The following PEX5L variants were observed in gnomAD, a reference collection of about 807,000 sequenced individuals.
PEX5L encodes the protein PEX5-related protein.
A neutral mutation model predicts 84.0 loss-of-function variants in PEX5L; 30 were observed. The ratio of observed to expected loss-of-function variants is 0.36; its 90% CI spans 0.27 to 0.48. The LOEUF (loss-of-function observed/expected upper bound fraction) is 0.48, where lower values mean the gene tolerates loss of function less well. Among genes scored for constraint, PEX5L ranks in the 20% least tolerant of loss-of-function variants. PEX5L has a pLI of 0.99. For missense variants in PEX5L, 533 were observed against 754.6 expected (o/e 0.71, Z 3.44); for synonymous variants, 270 against 283.1 (o/e 0.95, Z 0.46).
At chr3:179,888,245 T>C in intron 3 of PEX5L, 1 of 983,264 alleles carries the variant, frequency 1.0e-6, no homozygotes, top group Non-Finnish European at 1.4e-6. Context: ...TGTGGGTGGA[T>C]AAATGCCTGC....
chr3:179,967,117 C>T (rs1026435993), intron 2 of PEX5L, among the ~76,000 whole-genome samples: 1 of 152,098 alleles, frequency 6.6e-6, no homozygotes. Flanking sequence ...ACGATAATTC[C>T]TAGTAGATGG....
intron 1 of PEX5L, among the ~76,000 whole-genome samples, chr3:180,020,664 A>T (rs150247028): frequency 1.3e-5 from 2 of 152,230 alleles, no homozygotes; most frequent in African/African-American, 2.4e-5. Context: ...GTTGGCTTAT[A>T]TTCTTTCTTT....
At chr3:180,000,536 G>C (rs1460844290) in intron 1 of PEX5L, among the ~76,000 whole-genome samples, 4 of 152,172 alleles carry the variant, frequency 2.6e-5, no homozygotes, top group Non-Finnish European at 5.9e-5. Context: ...GTGAATCAAA[G>C]GGAATACAGA....
intron 7 of PEX5L, 25 bp from the exon 8 acceptor site, chr3:179,859,182 T>C: frequency 6.7e-7 from 1 of 1,494,010 alleles, no homozygotes; most frequent in South Asian, 1.1e-5. Flanking sequence ...ACACATAGTG[T>C]TATAATATTA....
At chr3:179,956,145 A>T (rs997107852) in intron 2 of PEX5L, among the ~76,000 whole-genome samples, 2 of 152,150 alleles carry the variant, frequency 1.3e-5, no homozygotes, top group African/African-American at 4.8e-5. Context: ...CATTTTGCTG[A>T]TAGGGAAGTC....
At chr3:179,828,318 A>T (rs1468188542) in intron 8 of PEX5L, among the ~76,000 whole-genome samples, 1 of 152,158 alleles carries the variant, frequency 6.6e-6, no homozygotes, top group East Asian at 1.9e-4. Context: ...TCCTTAGCAG[A>T]TCTAGCCAAG....
At chr3:179,899,574 G>T (rs1457629863) in intron 2 of PEX5L, among the ~76,000 whole-genome samples, 31 of 152,134 alleles carry the variant, frequency 2.0e-4, no homozygotes, top group Admixed American at 2.0e-3. Context: ...TAAGTATTTA[G>T]AAGGTAGGTT....
In PEX5L at chr3:179,800,178, C is replaced by G. The variant is rs1162705175; in HGVS notation, c.*1650G>C. ...CTGTACCTCGCATTCAATTGATAAG[C>G]ACGTGTGCACATTTACTCCTCAGTA... On this transcript the variant is annotated 3_prime_UTR_variant, in exon 15 of 15. Transcript: ENST00000467460. 6.6e-6 allele frequency: 1 copy of G among 152,198 alleles called. No homozygotes were observed. Among genetic ancestry groups the G allele is most frequent in the Admixed American group, 6.5e-5 (1 of 15,282 alleles). 9.4% of individuals were successfully genotyped at this position (152,198 alleles called of 1,614,324 possible).
At chr3:179,814,531 A>G (rs1436103930) in intron 10 of PEX5L, among the ~76,000 whole-genome samples, 1 of 152,228 alleles carries the variant, frequency 6.6e-6, no homozygotes, top group Non-Finnish European at 1.5e-5. Context: ...CAGCACCAGT[A>G]TATATACCGG....
intron 2 of PEX5L, among the ~76,000 whole-genome samples, chr3:179,938,333 T>C (rs1056807540): frequency 6.6e-6 from 1 of 152,216 alleles, no homozygotes; most frequent in Non-Finnish European, 1.5e-5. Context: ...CATTACTAAC[T>C]TACATAGATG....
At chr3:179,986,181 T>TATATATATATATATATATAA in intron 1 of PEX5L, among the ~76,000 whole-genome samples, 1 of 149,948 alleles carries the variant, frequency 6.7e-6, no homozygotes, top group African/African-American at 2.4e-5. Flanking sequence ...TATATATATA[T>TATATATATATATATATATAA]AACTTTATGT....
chr3:179,965,594 C>T (rs138953883), intron 2 of PEX5L, among the ~76,000 whole-genome samples: 1 of 152,102 alleles, frequency 6.6e-6, no homozygotes, highest in African/African-American at 2.4e-5. Context: ...GGCTTTATAC[C>T]ACCAGACTTT....
At chr3:179,947,706 G>C in intron 2 of PEX5L, among the ~76,000 whole-genome samples, 1 of 99,642 alleles carries the variant, frequency 1.0e-5, no homozygotes, top group African/African-American at 4.4e-5. Context: ...AATCAAAAAA[G>C]TTACTTTTTT....
chr3:179,850,637 T>G (rs1741460562), intron 8 of PEX5L, among the ~76,000 whole-genome samples: 2 of 152,224 alleles, frequency 1.3e-5, no homozygotes, highest in Non-Finnish European at 2.9e-5. Flanking sequence ...ATTTGACTTG[T>G]GAAGGATGTT....
intron 1 of PEX5L, among the ~76,000 whole-genome samples, chr3:180,022,460 G>A (rs565716897): frequency 4.6e-5 from 7 of 152,128 alleles, no homozygotes; most frequent in East Asian, 1.9e-4. Context: ...AAATAGCAAC[G>A]GATTTTTCTC....
intron 8 of PEX5L, among the ~76,000 whole-genome samples, chr3:179,852,474 C>T (rs1046110008): frequency 1.3e-5 from 2 of 152,280 alleles, no homozygotes; most frequent in Non-Finnish European, 2.9e-5. Context: ...GAGAACTAAG[C>T]TCCCATATTT....
At chr3:179,945,340 A>G (rs1035164389) in intron 2 of PEX5L, among the ~76,000 whole-genome samples, 1 of 152,144 alleles carries the variant, frequency 6.6e-6, no homozygotes, top group Non-Finnish European at 1.5e-5. Flanking sequence ...CTGAGAGAGG[A>G]TATTTGGAAC....
intron 3 of PEX5L, among the ~76,000 whole-genome samples, chr3:179,891,767 A>T (rs1757696536): frequency 6.6e-6 from 1 of 152,164 alleles, no homozygotes; most frequent in Non-Finnish European, 1.5e-5. Flanking sequence ...ATTTGCATAG[A>T]TTAAGAATAG....
intron 1 of PEX5L, among the ~76,000 whole-genome samples, chr3:180,024,591 G>C (rs1163190378): frequency 6.6e-6 from 1 of 151,062 alleles, no homozygotes. Flanking sequence ...GTTCAGATAG[G>C]TGCACAAAAT....
Sources: allele counts gnomAD v4.1 joint callset (sites outside exome capture counted in the v4.1 genomes callset), GRCh38; gene constraint gnomAD v4.1.1; transcripts MANE v1.5; gene names NCBI Gene and HGNC (gene_info 2026-07-23, HGNC 2026-07-21).